The following LSAMP variants were observed in gnomAD, a reference collection of about 807,000 sequenced individuals.
LSAMP encodes the protein limbic system-associated membrane protein.
In LSAMP, 7 loss-of-function variants were observed where a neutral mutation model predicts 38.6. The ratio of observed to expected loss-of-function variants is 0.18; its 90% confidence interval spans 0.10 to 0.34. The LOEUF (loss-of-function observed/expected upper bound fraction) is 0.34, where lower values mean the gene tolerates loss of function less well. Ranked by LOEUF, LSAMP falls within the 10% of genes least tolerant of loss-of-function variation. LSAMP has a pLI of 1.00. For synonymous variants in LSAMP, 154 were observed against 166.8 expected, an observed-to-expected ratio of 0.92 and a Z score of 0.59; for missense variants, 313 against 420.0, an observed-to-expected ratio of 0.75 and a Z score of 2.23.
At position 116,008,591 on chromosome 3, in the gene LSAMP, C is replaced by T. The variant is rs539136051; in HGVS notation, c.514+10924G>A. ...TTTTTCCTCCAACATTTAGTAGCAGCATCTGATGTAGCAGGTACAGCATTA... is the reference window on the plus strand; with the variant it reads ...TTTTTCCTCCAACATTTAGTAGCAGTATCTGATGTAGCAGGTACAGCATTA... On this transcript the variant is annotated intron_variant, in intron 3 of 6. Coordinates refer to ENST00000490035, the MANE Select transcript of LSAMP (RefSeq NM_002338.5). 3.9e-5 allele frequency among the ~76,000 whole-genome samples: 6 copies of T among 152,294 alleles called. No homozygotes were observed. In the South Asian group the frequency reaches 1.2e-3, roughly 32 times the overall value.
At chr3:115,822,317 T>A (rs1334544511) in intron 6 of LSAMP, among the ~76,000 whole-genome samples, 1 of 151,776 alleles carries the variant, frequency 6.6e-6, no homozygotes. Context: ...ATTCTTCCTA[T>A]ATTTTTTTCT....
intron 1 of LSAMP, among the ~76,000 whole-genome samples, chr3:116,174,018 C>T (rs1295235282): frequency 6.6e-6 from 1 of 151,892 alleles, no homozygotes; most frequent in East Asian, 1.9e-4. Flanking sequence ...AGAACTTTTC[C>T]AAATCAGAAA....
At chr3:116,222,499 C>A (rs1253760838) in intron 1 of LSAMP, among the ~76,000 whole-genome samples, 1 of 151,964 alleles carries the variant, frequency 6.6e-6, no homozygotes, top group Non-Finnish European at 1.5e-5. Context: ...TTCCATCCTA[C>A]TTTTGTTCGT....
chr3:116,348,850 G>T (rs1195474788), intron 1 of LSAMP, among the ~76,000 whole-genome samples: 1 of 152,056 alleles, frequency 6.6e-6, no homozygotes, highest in African/African-American at 2.4e-5. Context: ...TTTATAGTTG[G>T]TGACAAAATT....
At chr3:115,912,955 G>T (rs1937166878) in intron 3 of LSAMP, among the ~76,000 whole-genome samples, 1 of 152,076 alleles carries the variant, frequency 6.6e-6, no homozygotes, top group Non-Finnish European at 1.5e-5. Context: ...ATCTTTTTGG[G>T]TTTGTTTTAT....
chr3:116,362,778 T>G (rs1338883047), intron 1 of LSAMP, among the ~76,000 whole-genome samples: 1 of 95,518 alleles, frequency 1.0e-5, no homozygotes, highest in Non-Finnish European at 1.9e-5. Context: ...CATAACGAAA[T>G]GAAGGCAGAA....
At chr3:116,184,721 A>G (rs1049125165) in intron 1 of LSAMP, among the ~76,000 whole-genome samples, 2 of 151,844 alleles carry the variant, frequency 1.3e-5, no homozygotes, top group Non-Finnish European at 2.9e-5. Flanking sequence ...ATATATTTTT[A>G]GTGCCTTTTA....
At position 116,087,990 on chromosome 3, in the gene LSAMP, C is replaced by G. The variant is rs79117763; in HGVS notation, c.156-1434G>C. ...CTCACTGCAGCCTCAAACTACTGAG[C>G]TCAAGCAATCCTCCTGCCTCAGCCT... On this transcript the variant is annotated intron_variant, in intron 1 of 6. Transcript: ENST00000490035. Among the ~76,000 whole-genome samples, 573 of 150,800 alleles carry G rather than the reference C, an allele frequency of 3.8e-3. 10 individuals carry two copies. The highest frequency in any genetic ancestry group is 0.026 in the East Asian group (131 of 5,098).
intron 3 of LSAMP, among the ~76,000 whole-genome samples, chr3:115,929,384 T>G (rs183241053): frequency 6.6e-6 from 1 of 152,184 alleles, no homozygotes; most frequent in African/African-American, 2.4e-5. Context: ...ATTCTACTTG[T>G]GACACTACTT....
At chr3:115,861,564 T>C (rs1935703520) in intron 3 of LSAMP, among the ~76,000 whole-genome samples, 1 of 152,146 alleles carries the variant, frequency 6.6e-6, no homozygotes, top group Non-Finnish European at 1.5e-5. Context: ...GACCCTCACC[T>C]GCCCTGAATT....
chr3:116,299,344 A>G (rs1192055335), intron 1 of LSAMP, among the ~76,000 whole-genome samples: 2 of 152,250 alleles, frequency 1.3e-5, no homozygotes, highest in East Asian at 3.8e-4. Context: ...GATGGAGAGT[A>G]AATTCTTAGC....
chr3:116,219,088 T>C (rs548331992), intron 1 of LSAMP, among the ~76,000 whole-genome samples: 1 of 152,350 alleles, frequency 6.6e-6, no homozygotes, highest in Admixed American at 6.5e-5. Context: ...TGACACTTTA[T>C]GCACATTGAT....
chr3:116,352,144 T>G (rs888105023), intron 1 of LSAMP, among the ~76,000 whole-genome samples: 3 of 152,090 alleles, frequency 2.0e-5, no homozygotes. Context: ...TCTTATAAAA[T>G]GATTCCATGA....
chr3:116,132,255 T>G (rs1000473366), intron 1 of LSAMP, among the ~76,000 whole-genome samples: 9 of 147,238 alleles, frequency 6.1e-5, no homozygotes, highest in African/African-American at 2.3e-4. Context: ...AAAAAAAAAG[T>G]CTAAATGGCT....
chr3:116,130,749 G>T (rs1486104916), intron 1 of LSAMP, among the ~76,000 whole-genome samples: 1 of 152,026 alleles, frequency 6.6e-6, no homozygotes, highest in East Asian at 1.9e-4. Context: ...ACAGTGTATA[G>T]CTACAGGTTT....
At chr3:116,010,387 C>T (rs1940290862) in intron 3 of LSAMP, among the ~76,000 whole-genome samples, 1 of 152,194 alleles carries the variant, frequency 6.6e-6, no homozygotes, top group Non-Finnish European at 1.5e-5. Flanking sequence ...TTTATTCCTT[C>T]AGAAAATATT....
chr3:116,046,677 A>C (rs1258946183), intron 2 of LSAMP, among the ~76,000 whole-genome samples: 1 of 152,208 alleles, frequency 6.6e-6, no homozygotes, highest in Non-Finnish European at 1.5e-5. Context: ...CCTGAAAGGA[A>C]GCAATAATTG....
rs944636588 is a variant in LSAMP, at chr3:115,808,404, T to C, written c.*1913A>G. The C allele has an allele frequency of 1.3e-5, 2 of 152,022 alleles. No individual in the cohort carries two copies. The highest frequency in any genetic ancestry group is 4.8e-5 in the African/African-American group (2 of 41,364). The allele number at this position is 152,022 out of a possible 1,614,324, so 9.4% of individuals were successfully genotyped here. Reference sequence around the variant, plus strand: ...TAAGTGAGAGCAAGGGTTGGTTTTCTGACAAAGACATCTATATGCAGAGAG... The same window carrying C: ...TAAGTGAGAGCAAGGGTTGGTTTTCCGACAAAGACATCTATATGCAGAGAG... On this transcript the variant is annotated 3_prime_UTR_variant, in exon 7 of 7. Coordinates refer to ENST00000490035, the MANE Select transcript of LSAMP (RefSeq NM_002338.5).
chr3:116,114,661 TA>T (rs1708704057), intron 1 of LSAMP, among the ~76,000 whole-genome samples: 1 of 152,208 alleles, frequency 6.6e-6, no homozygotes, highest in Non-Finnish European at 1.5e-5. Context: ...GTTGCTTTTA[TA>T]AAACACAGTA....
Sources: gnomAD v4.1 joint callset for allele counts (sites outside exome capture counted in the v4.1 genomes callset) on GRCh38, gnomAD v4.1.1 for gene constraint, MANE v1.5 for transcripts, NCBI Gene and HGNC (gene_info 2026-07-23, HGNC 2026-07-21) for gene names.